MINDY2: variants seen among roughly 807,000 people sequenced by gnomAD.
MINDY2 encodes the protein MINDY lysine 48 deubiquitinase 2, also known as ubiquitin carboxyl-terminal hydrolase MINDY-2.
In MINDY2, 52 loss-of-function variants were observed where a neutral mutation model predicts 68.2. The observed-to-expected ratio is 0.76, with a 90% CI of 0.61 to 0.96. MINDY2 has a LOEUF of 0.96. Among genes scored for constraint, MINDY2 ranks in the 40% least tolerant of loss-of-function variants. The pLI is 0.00. For missense variants in MINDY2, 881 were observed against 773.4 expected (o/e 1.14, Z -1.65); for synonymous variants, 372 against 303.0 (o/e 1.23, Z -2.36).
At chr15:58,791,215 T>TTATATATATATA (rs57998049) in intron 2 of MINDY2, among the ~76,000 whole-genome samples, 1,203 of 78,976 alleles carry the variant, frequency 0.015, 37 homozygotes, top group Middle Eastern at 0.032. Flanking sequence ...GAAAGCAATT[T>TTATATATATATA]TATATATATA....
intron 1 of MINDY2, 91 bp downstream of exon 1, chr15:58,772,326 T>A: frequency 6.5e-7 from 1 of 1,544,340 alleles, no homozygotes; most frequent in Non-Finnish European, 8.7e-7. Flanking sequence ...TGGCTTCCTT[T>A]CTTTCCTCAT....
At chr15:58,788,044 T>A in intron 2 of MINDY2, 81 bp downstream of exon 2, 1 of 901,192 alleles carries the variant, frequency 1.1e-6, no homozygotes, top group Non-Finnish European at 1.7e-6. Context: ...CTCACCTTTC[T>A]GAAGTGCTAT....
At chr15:58,830,934 G>A (rs2031675788) in intron 5 of MINDY2, among the ~76,000 whole-genome samples, 2 of 151,680 alleles carry the variant, frequency 1.3e-5, no homozygotes. Flanking sequence ...TGATTTGGGG[G>A]ATCTAAATAA....
At chr15:58,822,251 C>CAA (rs1396696177) in intron 5 of MINDY2, among the ~76,000 whole-genome samples, 14 of 127,454 alleles carry the variant, frequency 1.1e-4, no homozygotes, top group African/African-American at 3.5e-4. Flanking sequence ...GACTCTGTAT[C>CAA]AAAAAAAAAA....
At chr15:58,809,996 C>G (rs2030113111) in intron 3 of MINDY2, among the ~76,000 whole-genome samples, 1 of 152,110 alleles carries the variant, frequency 6.6e-6, no homozygotes, top group Admixed American at 6.5e-5. Flanking sequence ...AGGCTGGTCT[C>G]AAACTCCTGA....
intron 1 of MINDY2, among the ~76,000 whole-genome samples, chr15:58,777,378 G>A (rs1237827624): frequency 6.6e-6 from 1 of 152,190 alleles, no homozygotes; most frequent in African/African-American, 2.4e-5. Flanking sequence ...TAAGTGTAGT[G>A]GTTCTGGATG....
intron 1 of MINDY2, among the ~76,000 whole-genome samples, chr15:58,778,351 T>G (rs1236471839): frequency 2.0e-5 from 3 of 152,154 alleles, no homozygotes; most frequent in Non-Finnish European, 4.4e-5. Flanking sequence ...CCCAATTTTT[T>G]TCTTTGCTTA....
In MINDY2 at chr15:58,832,897, T is replaced by C. The variant is rs115234258; in HGVS notation, c.1368+981T>C. ...AAGGAATTTAGAAGAAATAAATTTA[T>C]TTATTTATTTAGATGATTTGCCTTT... On this transcript the variant is annotated intron_variant, in intron 6 of 8. Transcript: ENST00000559228. Among the ~76,000 whole-genome samples, 1,170 of 152,316 alleles carry C rather than the reference T, an allele frequency of 7.7e-3. 19 individuals are homozygous for C. The highest frequency in any genetic ancestry group is 0.027 in the African/African-American group (1,119 of 41,566).
chr15:58,821,748 G>A lies in MINDY2; in HGVS notation c.1154G>A (p.Cys385Tyr). The A allele has an allele frequency of 1.3e-6, 2 of 1,589,240 alleles. No individual in the cohort carries two copies. Among genetic ancestry groups the A allele is most frequent in the South Asian group, 1.2e-5 (1 of 85,428 alleles). ...GACATTGTAAAAGCTGTTGGTAACTGCAGCTACAACCAACTAGTGGAGAAG... is the reference window on the plus strand; with the variant it reads ...GACATTGTAAAAGCTGTTGGTAACTACAGCTACAACCAACTAGTGGAGAAG... ...IDDIVKAVGN[C>Y]SYNQLVEKII... The change falls in exon 5 of 9, where the codon TGC becomes TAC. Residue 385 changes from cysteine (C) to tyrosine (Y), a missense_variant. Physicochemically the swap from Cys to Tyr is radical, Grantham distance 194. Coordinates refer to ENST00000559228, the MANE Select transcript of MINDY2 (RefSeq NM_001040450.3).
intron 6 of MINDY2, among the ~76,000 whole-genome samples, chr15:58,843,599 C>G (rs2032381147): frequency 1.3e-5 from 2 of 152,068 alleles, no homozygotes; most frequent in Admixed American, 1.3e-4. Context: ...GGAGTAGTTA[C>G]TTGTATTAAC....
Position 58,852,972 on chromosome 15 carries a change from A to ATTTTTTTTTTT in MINDY2, c.1737+1007_1737+1008insTTTTTTTTTTT, listed in dbSNP as rs1567079858. Among the ~76,000 whole-genome samples the ATTTTTTTTTTT allele has an allele frequency of 5.5e-3, 95 of 17,270 alleles. 31 individuals carry two copies. Among genetic ancestry groups the ATTTTTTTTTTT allele is most frequent in the Non-Finnish European group, 0.011 (68 of 6,082 alleles). 11.3% of individuals were successfully genotyped at this position (17,270 alleles called of 152,430 possible). ...TTTTTTTTTTTTTTTTTTTTTTTTA[A>ATTTTTTTTTTT]GACAGAGTCTCACTCTGTTGCCCAG... On this transcript the variant is annotated intron_variant, in intron 8 of 8. Coordinates refer to ENST00000559228, the MANE Select transcript of MINDY2 (RefSeq NM_001040450.3).
At chr15:58,799,065 G>A (rs949397317) in intron 2 of MINDY2, among the ~76,000 whole-genome samples, 3 of 152,174 alleles carry the variant, frequency 2.0e-5, no homozygotes, top group Non-Finnish European at 2.9e-5. Context: ...AGCTACTAGG[G>A]ACATGTAAAA....
At chr15:58,789,198 CATG>C in intron 2 of MINDY2, among the ~76,000 whole-genome samples, 1 of 151,926 alleles carries the variant, frequency 6.6e-6, no homozygotes, top group African/African-American at 2.4e-5. Flanking sequence ...ATTAGCTGGG[CATG>C]GTGGCAGACG....
chr15:58,772,139 C>G lies in MINDY2; in HGVS notation c.744C>G (p.Ile248Met), dbSNP rs778853942. 17 of 1,613,960 alleles carry G rather than the reference C, an allele frequency of 1.1e-5. No homozygotes were observed. In the Admixed American group the frequency reaches 2.8e-4, roughly 27 times the overall value. ...AATCTGTGTATCACATCAAGTGGAT[C>G]CAGTGGAAGGAAGAGAACACACCCA... ...PGQSVYHIKW[I>M]QWKEENTPII... The change falls in exon 1 of 9, where the codon ATC becomes ATG. Residue 248 changes from isoleucine (I) to methionine (M), a missense_variant. Ile to Met is a conservative substitution (Grantham distance 10). Coordinates refer to ENST00000559228, the MANE Select transcript of MINDY2 (RefSeq NM_001040450.3).
intron 8 of MINDY2, among the ~76,000 whole-genome samples, chr15:58,853,091 T>C (rs757384574): frequency 6.6e-5 from 10 of 151,696 alleles, no homozygotes; most frequent in Non-Finnish European, 1.2e-4. Flanking sequence ...TAGCTGGGAT[T>C]ACAGGTGTGT....
chr15:58,831,636 G>A (rs2031732048), intron 5 of MINDY2, 138 bp from the exon 6 acceptor site: 2 of 644,116 alleles, frequency 3.1e-6, no homozygotes, highest in Non-Finnish European at 5.0e-6. Context: ...GTCCAGTTTG[G>A]AGCCATCATA....
At chr15:58,823,957 C>T (rs550064330) in intron 5 of MINDY2, among the ~76,000 whole-genome samples, 3 of 152,264 alleles carry the variant, frequency 2.0e-5, no homozygotes, top group East Asian at 3.9e-4. Context: ...TGTCTATCTA[C>T]GGAATCCTTC....
At position 58,771,792 on chromosome 15, in the gene MINDY2, C is replaced by G. The variant is rs1420157377; in HGVS notation, c.397C>G (p.Pro133Ala). The G allele has an allele frequency of 6.2e-7, 1 of 1,609,826 alleles. No individual in the cohort carries two copies. ...LGTAGDAGAR[P>A]DLAGTCQAEL... Reference sequence around the variant, plus strand: ...TACCGCCGGAGACGCGGGAGCCCGCCCGGATCTCGCCGGCACCTGCCAAGC... The same window carrying G: ...TACCGCCGGAGACGCGGGAGCCCGCGCGGATCTCGCCGGCACCTGCCAAGC... The change falls in exon 1 of 9, where the codon CCG (proline) becomes GCG (alanine). Residue 133 changes from proline to alanine, a missense_variant. By Grantham distance (27) the Pro-to-Ala change is conservative. Transcript: ENST00000559228.
At chr15:58,798,248 C>G (rs1372867198) in intron 2 of MINDY2, among the ~76,000 whole-genome samples, 2 of 151,848 alleles carry the variant, frequency 1.3e-5, no homozygotes, top group African/African-American at 2.4e-5. Flanking sequence ...ACCCGAGCAG[C>G]TGGGATTACA....
Sources: allele counts gnomAD v4.1 joint callset (sites outside exome capture counted in the v4.1 genomes callset), GRCh38; gene constraint gnomAD v4.1.1; transcripts MANE v1.5; gene names NCBI Gene and HGNC (gene_info 2026-07-23, HGNC 2026-07-21).